CD300A: variants seen among roughly 807,000 people sequenced by gnomAD.
CD300A encodes the protein CMRF35-like molecule 8.
In CD300A, 22 loss-of-function variants were observed where a neutral mutation model predicts 33.6. The ratio of observed to expected loss-of-function variants is 0.66; its 90% CI spans 0.47 to 0.94. The LOEUF (loss-of-function observed/expected upper bound fraction) is 0.94, where lower values mean the gene tolerates loss of function less well. Ranked by LOEUF, CD300A falls within the 40% of genes least tolerant of loss-of-function variation. The pLI is 0.00. For missense variants in CD300A, 326 were observed against 360.5 expected, an observed-to-expected ratio of 0.90 and a Z score of 0.77; for synonymous variants, 136 against 148.1, an observed-to-expected ratio of 0.92 and a Z score of 0.59.
intron 3 of CD300A, among the ~76,000 whole-genome samples, chr17:74,476,822 G>A (rs780988547): frequency 1.9e-4 from 29 of 152,234 alleles, no homozygotes; most frequent in Non-Finnish European, 3.5e-4. Context: ...TACTGACGTG[G>A]AAAGACCTCT....
At chr17:74,482,040 TG>T (rs1377419283) in intron 6 of CD300A, among the ~76,000 whole-genome samples, 1 of 150,148 alleles carries the variant, frequency 6.7e-6, no homozygotes, top group Non-Finnish European at 1.5e-5. Flanking sequence ...GGGGGGTTTT[TG>T]GGGGTGGCCA....
At position 74,480,270 on chromosome 17, in the gene CD300A, G is replaced by A. The variant is rs949116769; in HGVS notation, c.629-1019G>A. The stretch of plus-strand genomic sequence containing the variant: ...CGTGGGCTCCTCCCCTTTAATTCTG[G>A]GGGAGGAGCCCACAGATCCCCACAG... On this transcript the variant is annotated intron_variant, in intron 4 of 6. Transcript: ENST00000360141. This position sits in a 1 kb window ranked among gnomAD's most constrained non-coding sequence, Gnocchi z 4.2. Among the ~76,000 whole-genome samples, 2 of 152,046 alleles carry A rather than the reference G, an allele frequency of 1.3e-5. No individual in the cohort carries two copies. Among genetic ancestry groups the A allele is most frequent in the Admixed American group, 1.3e-4 (2 of 15,274 alleles).
At position 74,466,716 on chromosome 17, in the gene CD300A, T is replaced by C. The variant is rs199859879; in HGVS notation, c.13T>C (p.Trp5Arg). 6.3e-7 allele frequency: 1 copy of C among 1,596,798 alleles called. No individual in the cohort carries two copies. The highest frequency in any genetic ancestry group is 8.5e-7 in the Non-Finnish European group (1 of 1,171,290). Residue 5 changes from tryptophan (W) to arginine (R), a missense_variant, in exon 1 of 7, where the codon TGG (tryptophan) becomes CGG (arginine). Physicochemically the swap from Trp to Arg is moderately radical, Grantham distance 101 (BLOSUM62 -3). Transcript: ENST00000360141. MWLP[W>R]ALLLLWVPGC... ...TGGGGAAGGGACCATGTGGCTGCCT[T>C]GGGCTCTGTTGCTTCTCTGGGTCCC...
rs572555811 is a variant in CD300A at position 74,466,731 on chromosome 17, C to T, written c.28C>T (p.Leu10Phe). Reference protein sequence around the residue: MWLPWALLLLWVPGCFALSK... With the variant: MWLPWALLLFWVPGCFALSK... ...GTGGCTGCCTTGGGCTCTGTTGCTT[C>T]TCTGGGTCCCAGGTGAGAGTTTCCC... Residue 10 changes from leucine (L) to phenylalanine (F), a missense_variant, in exon 1 of 7, where the codon CTC becomes TTC. By Grantham distance (22) the Leu-to-Phe change is conservative. Coordinates refer to ENST00000360141, the MANE Select transcript of CD300A (RefSeq NM_007261.4). The T allele has an allele frequency of 3.8e-6, 6 of 1,594,924 alleles. No individual in the cohort carries two copies. The highest frequency in any genetic ancestry group is 2.3e-5 in the East Asian group (1 of 44,232).
intron 1 of CD300A, among the ~76,000 whole-genome samples, chr17:74,468,300 C>G (rs930021013): frequency 6.6e-6 from 1 of 152,178 alleles, no homozygotes; most frequent in Non-Finnish European, 1.5e-5. Flanking sequence ...TCCCAAAGTG[C>G]TGGGATTGCA....
In CD300A at chr17:74,484,372, T is replaced by G; in HGVS notation, c.*246T>G. On this transcript the variant is annotated 3_prime_UTR_variant, in exon 7 of 7. Transcript: ENST00000360141. ...CCAGCCACCAGTGCCTGTCACCTCT[T>G]TCCCCTTTGCCCCTGCTTCATCCCA... 1 of 382,160 alleles carries G rather than the reference T, an allele frequency of 2.6e-6. No individual in the cohort carries two copies. 23.7% of individuals were successfully genotyped at this position (382,160 alleles called of 1,614,324 possible).
intron 1 of CD300A, 176 bp downstream of exon 1, chr17:74,466,919 A>T (rs1429424534): frequency 8.9e-6 from 13 of 1,456,100 alleles, no homozygotes; most frequent in Non-Finnish European, 1.1e-5. Context: ...CCCCTGGGAG[A>T]GGAAGGAGCC....
At chr17:74,470,614 A>G (rs962579571) in intron 1 of CD300A, among the ~76,000 whole-genome samples, 1 of 152,002 alleles carries the variant, frequency 6.6e-6, no homozygotes, top group African/African-American at 2.4e-5. Context: ...GAGCAGGAAC[A>G]GTGTCTTGGG....
chr17:74,468,160 G>A (rs371302472), intron 1 of CD300A, among the ~76,000 whole-genome samples: 3 of 151,602 alleles, frequency 2.0e-5, no homozygotes, highest in South Asian at 2.1e-4. Flanking sequence ...TCAGCCTCCC[G>A]AGTAGCTGAG....
intron 1 of CD300A, 64 bp from the exon 2 acceptor site, chr17:74,473,447 ACCCCCAGGGTCCATGCGGCCCTGAC>A: frequency 1.6e-6 from 2 of 1,269,350 alleles, no homozygotes; most frequent in Non-Finnish European, 2.2e-6. Context: ...CCTCCTCCAC[ACCCCCAGGGTCCATGCGGCCCTGAC>A]CCCAGGGCAC....
rs1350650446 is a variant in CD300A, at chr17:74,484,346, C to G, written c.*220C>G. 1 of 452,530 alleles carries G rather than the reference C, an allele frequency of 2.2e-6. No individual in the cohort carries two copies. The highest frequency in any genetic ancestry group is 4.0e-6 in the Non-Finnish European group (1 of 247,574). The allele number at this position is 452,530 out of a possible 1,614,324, so 28.0% of individuals were successfully genotyped here. ...GCTCCGGAGAGCAGCAGGAAGCACT[C>G]CCAGCCACCAGTGCCTGTCACCTCT... On this transcript the variant is annotated 3_prime_UTR_variant, in exon 7 of 7. Transcript: ENST00000360141.
chr17:74,476,713 G>A (rs1286900479), intron 3 of CD300A, among the ~76,000 whole-genome samples: 1 of 152,172 alleles, frequency 6.6e-6, no homozygotes, highest in Non-Finnish European at 1.5e-5. Flanking sequence ...CAAAGGACTG[G>A]GGAAATGCCC....
chr17:74,473,928 G>A, intron 2 of CD300A, 54 bp downstream of exon 2: 1 of 1,567,592 alleles, frequency 6.4e-7, no homozygotes, highest in Admixed American at 1.7e-5. Flanking sequence ...AATTGTTGGG[G>A]CAGGAATCAG....
Position 74,484,220 on chromosome 17 carries a change from C to A in CD300A, c.*94C>A. Reference sequence around the variant, plus strand: ...CTGGCCCACGTCCTTCTCAGCCTGCCCTCGACAACAGTGACCAACAGACAG... The same window carrying A: ...CTGGCCCACGTCCTTCTCAGCCTGCACTCGACAACAGTGACCAACAGACAG... On this transcript the variant is annotated 3_prime_UTR_variant, in exon 7 of 7. Coordinates refer to ENST00000360141, the MANE Select transcript of CD300A (RefSeq NM_007261.4). 7.2e-7 allele frequency: 1 copy of A among 1,391,808 alleles called. No homozygotes were observed. The highest frequency in any genetic ancestry group is 9.9e-7 in the Non-Finnish European group (1 of 1,009,434). The allele number at this position is 1,391,808 out of a possible 1,614,324, so 86.2% of individuals were successfully genotyped here.
intron 3 of CD300A, among the ~76,000 whole-genome samples, chr17:74,475,940 C>T (rs8070953): frequency 0.34 from 50,465 of 147,086 alleles, 8,781 homozygotes; most frequent in East Asian, 0.54. Context: ...AATGCAGAGA[C>T]ACATAGGACA....
chr17:74,478,544 A>G (rs985791646), intron 4 of CD300A, among the ~76,000 whole-genome samples: 1 of 152,216 alleles, frequency 6.6e-6, no homozygotes, highest in Non-Finnish European at 1.5e-5. Flanking sequence ...AAGCACAGGA[A>G]CAGAGGAACA....
rs1424143824 is a variant in CD300A at position 74,473,885 on chromosome 17, C to T, written c.379+11C>T. On this transcript the variant is annotated intron_variant, in intron 2 of 6. Coordinates refer to ENST00000360141, the MANE Select transcript of CD300A (RefSeq NM_007261.4). The stretch of plus-strand genomic sequence containing the variant: ...TGTCCGTGTTCCCGGGTGAGCCCCT[C>T]CTTCCCTCAGCGCCTAAATAGGCTC... 6.2e-7 allele frequency: 1 copy of T among 1,606,458 alleles called. No individual in the cohort carries two copies. The highest frequency in any genetic ancestry group is 8.5e-7 in the Non-Finnish European group (1 of 1,174,184).
chr17:74,479,129 T>C (rs1906670434), intron 4 of CD300A, among the ~76,000 whole-genome samples: 1 of 152,186 alleles, frequency 6.6e-6, no homozygotes, highest in African/African-American at 2.4e-5. Context: ...TCCCCCATCA[T>C]CGATGATAAC....
intron 5 of CD300A, 66 bp downstream of exon 5, chr17:74,481,392 T>C (rs1396503036): frequency 6.8e-7 from 1 of 1,471,770 alleles, no homozygotes. Flanking sequence ...TGCTGGGGAG[T>C]TGGACAGTCC....
Sources: allele counts gnomAD v4.1 joint callset (sites outside exome capture counted in the v4.1 genomes callset), GRCh38; gene constraint gnomAD v4.1.1; non-coding constraint Gnocchi (gnomAD v3.1); transcripts MANE v1.5; gene names NCBI Gene and HGNC (gene_info 2026-07-23, HGNC 2026-07-21).